The following NOLC1 variants were observed in gnomAD, a reference collection of about 807,000 sequenced individuals.
NOLC1 encodes the protein nucleolar and coiled-body phosphoprotein 1, also known as 140 kDa nucleolar phosphoprotein.
A neutral mutation model predicts 73.4 loss-of-function variants in NOLC1; 37 were observed. The observed-to-expected ratio is 0.50, with a 90% confidence interval of 0.39 to 0.66. The LOEUF (loss-of-function observed/expected upper bound fraction) is 0.66, where lower values mean the gene tolerates loss of function less well. NOLC1 is among the 30% of genes least tolerant of loss of function. The probability of loss-of-function intolerance (pLI) is 0.00; values close to 1 mark genes in which losing one functional copy is unlikely to be tolerated. For synonymous variants in NOLC1, 327 were observed against 302.6 expected (o/e 1.08, Z -0.84); for missense variants, 921 against 838.9 (o/e 1.10, Z -1.21).
chr10:102,160,979 G>T lies in NOLC1; in HGVS notation c.1627G>T (p.Ala543Ser). The T allele has an allele frequency of 6.2e-7, 1 of 1,614,168 alleles. No homozygotes were observed. Among genetic ancestry groups the T allele is most frequent in the Non-Finnish European group, 8.5e-7 (1 of 1,180,040 alleles). The change falls in exon 10 of 13, where the codon GCC (alanine) becomes TCC (serine). Residue 543 changes from alanine (A) to serine (S), a missense_variant. Coordinates refer to ENST00000605788, the MANE Select transcript of NOLC1 (RefSeq NM_004741.5). The stretch of plus-strand genomic sequence containing the variant: ...GGGCAAGGGCTCTCCAAGACCACAA[G>T]CCCCCAAGGCCAATGGCACCTCTGC... Reference protein sequence around the residue: ...LKGKGSPRPQAPKANGTSALT... With the variant: ...LKGKGSPRPQSPKANGTSALT...
intron 8 of NOLC1, 104 bp from the exon 9 acceptor site, chr10:102,160,129 G>C: frequency 6.3e-7 from 1 of 1,589,548 alleles, no homozygotes; most frequent in Admixed American, 1.8e-5. Context: ...TTTGCTTAAA[G>C]CAAGACAGAG....
At chr10:102,157,955 C>T in intron 4 of NOLC1, 94 bp from the exon 5 acceptor site, 1 of 1,129,806 alleles carries the variant, frequency 8.9e-7, no homozygotes, top group Non-Finnish European at 1.3e-6. Flanking sequence ...GCTCTTACTG[C>T]TCCATTAGGC....
chr10:102,161,073 C>T lies in NOLC1; in HGVS notation c.1721C>T (p.Ala574Val), dbSNP rs1204038883. The T allele has an allele frequency of 6.2e-7, 1 of 1,608,178 alleles. No homozygotes were observed. ...EEEEEEKKKA[A>V]VVVSKSGSLK... The stretch of plus-strand genomic sequence containing the variant: ...GAGGAAGAAGAAAAGAAAAAGGCGG[C>T]AGTGGTAGTTTCCAAATCAGGTCTG... Residue 574 changes from alanine to valine, a missense_variant, in exon 10 of 13, where the codon GCA (alanine) becomes GTA (valine). Transcript: ENST00000605788.
At position 102,159,432 on chromosome 10, in the gene NOLC1, G is replaced by A. The variant is rs752492340; in HGVS notation, c.724-1G>A. 6.2e-7 allele frequency: 1 copy of A among 1,614,156 alleles called. No individual in the cohort carries two copies. ...GGTAATCAATTTTCTTTCTAATGCA[G>A]ACTGTACCTAAAAAGCAAGTTGTGG... is the stretch of plus-strand genomic sequence containing the variant. On this transcript the variant is annotated splice_acceptor_variant, in intron 6 of 12. Coordinates refer to ENST00000605788, the MANE Select transcript of NOLC1 (RefSeq NM_004741.5). LOFTEE classifies it high-confidence loss of function.
intron 1 of NOLC1, among the ~76,000 whole-genome samples, chr10:102,154,141 A>C (rs1253266384): frequency 2.1e-5 from 3 of 144,042 alleles, no homozygotes; most frequent in Non-Finnish European, 4.5e-5. Context: ...GCACGATCTC[A>C]GCTCACTGCA....
chr10:102,158,685 T>C (rs1419774966), intron 5 of NOLC1, among the ~76,000 whole-genome samples: 1 of 152,238 alleles, frequency 6.6e-6, no homozygotes, highest in Non-Finnish European at 1.5e-5. Context: ...AGATTATTTA[T>C]GTCATCTTTT....
At chr10:102,158,475 G>A (rs778915929) in intron 5 of NOLC1, among the ~76,000 whole-genome samples, 1 of 152,016 alleles carries the variant, frequency 6.6e-6, no homozygotes, top group African/African-American at 2.4e-5. Flanking sequence ...ACATTTCATA[G>A]ACATTTTATG....
Position 102,159,308 on chromosome 10 carries a change from G to A in NOLC1, c.723G>A (p.Lys241=). 5 of 1,614,166 alleles carry A rather than the reference G, an allele frequency of 3.1e-6. No homozygotes were observed. The highest frequency in any genetic ancestry group is 3.4e-6 in the Non-Finnish European group (4 of 1,180,036). ...EEEKAAATPK[K]TVPKKQVVAK... The stretch of plus-strand genomic sequence containing the variant: ...AGAAGGCAGCAGCCACCCCCAAGAA[G>A]GTCTGGACCATAACTTCTGTCAGGG... Residue 241 remains lysine, a splice_region_variant and synonymous_variant, in exon 6 of 13, where the codon AAG becomes AAA. Coordinates refer to ENST00000605788, the MANE Select transcript of NOLC1 (RefSeq NM_004741.5).
intron 11 of NOLC1, 82 bp from the exon 12 acceptor site, chr10:102,161,751 G>T: frequency 6.6e-7 from 1 of 1,521,054 alleles, no homozygotes; most frequent in Non-Finnish European, 9.1e-7. Flanking sequence ...GGCGTGACCT[G>T]GTACATGTGC....
At chr10:102,156,380 G>A (rs1326395124) in intron 1 of NOLC1, among the ~76,000 whole-genome samples, 1 of 151,952 alleles carries the variant, frequency 6.6e-6, no homozygotes, top group African/African-American at 2.4e-5. Flanking sequence ...CCAAAGTGCT[G>A]AGATAACATG....
chr10:102,155,062 G>T (rs1164787248), intron 1 of NOLC1, among the ~76,000 whole-genome samples: 13 of 133,440 alleles, frequency 9.7e-5, no homozygotes, highest in African/African-American at 3.6e-4. Flanking sequence ...CGCTCTTGTT[G>T]CCCAGGCTGG....
rs760437566 is a variant in NOLC1, at chr10:102,160,807, A to T, written c.1455A>T (p.Thr485=). 1.2e-6 allele frequency: 2 copies of T among 1,614,192 alleles called. No homozygotes were observed. Among genetic ancestry groups the T allele is most frequent in the Admixed American group, 3.3e-5 (2 of 60,022 alleles). ...GCAGTGAGGAGGAGGAAGAGAAGAC[A>T]TCTAAGTCTGCAGTTAAGAAGAAGC... The part of the protein sequence containing the change: ...SSSSEEEEEK[T]SKSAVKKKPQ... The change falls in exon 10 of 13, where the codon ACA becomes ACT. Residue 485 remains threonine (T), a synonymous_variant. Transcript: ENST00000605788.
At chr10:102,152,589 G>C (rs1171468797) in intron 1 of NOLC1, 59 bp downstream of exon 1, 1 of 1,606,100 alleles carries the variant, frequency 6.2e-7, no homozygotes, top group African/African-American at 1.3e-5. Flanking sequence ...TTCAGGCCCT[G>C]ACGTGCTTAG....
chr10:102,160,628 A>G lies in NOLC1; in HGVS notation c.1276A>G (p.Ser426Gly), dbSNP rs778742389. ...GACGAGAAAGGCTGACAGCAGCTCC[A>G]GTGAGGAAGAGAGCAGCTCCAGTGA... ...LLTRKADSSS[S>G]EEESSSSEEE... Residue 426 changes from serine to glycine, a missense_variant, in exon 10 of 13, where the codon AGT becomes GGT. Ser to Gly is a moderately conservative substitution (Grantham distance 56). Transcript: ENST00000605788. 4 of 1,614,168 alleles carry G rather than the reference A, an allele frequency of 2.5e-6. No homozygotes were observed. Among genetic ancestry groups the G allele is most frequent in the South Asian group, 1.1e-5 (1 of 91,076 alleles).
chr10:102,160,921 T>C lies in NOLC1; in HGVS notation c.1569T>C (p.Asp523=). ...KAESSNSSSS[D]DSSEEEEEKL... ...AGAGCAGCAACAGTTCTTCTTCTGA[T>C]GACTCCAGTGAGGAAGAGGAAGAGA... Residue 523 remains aspartate (D), a synonymous_variant, in exon 10 of 13, where the codon GAT becomes GAC. Coordinates refer to ENST00000605788, the MANE Select transcript of NOLC1 (RefSeq NM_004741.5). The C allele has an allele frequency of 1.2e-6, 2 of 1,614,146 alleles. No individual in the cohort carries two copies. Among genetic ancestry groups the C allele is most frequent in the South Asian group, 1.1e-5 (1 of 91,088 alleles).
chr10:102,154,618 C>A (rs546006813), intron 1 of NOLC1, among the ~76,000 whole-genome samples: 3 of 151,962 alleles, frequency 2.0e-5, no homozygotes, highest in Non-Finnish European at 4.4e-5. Flanking sequence ...CAGGTTGAAG[C>A]GATTCTTGTG....
Position 102,159,488 on chromosome 10 carries a change from C to T in NOLC1, c.779C>T (p.Pro260Leu), listed in dbSNP as rs765969671. ...GCCCCAGTGAAAGCAGCTACCACCCCTACCCGGAAGAGTTCTAGCAGTGAG... is the reference window on the plus strand; with the variant it reads ...GCCCCAGTGAAAGCAGCTACCACCCTTACCCGGAAGAGTTCTAGCAGTGAG... ...AKAPVKAATT[P>L]TRKSSSSEDS... The change falls in exon 7 of 13, where the codon CCT becomes CTT. Residue 260 changes from proline (P) to leucine (L), a missense_variant. Coordinates refer to ENST00000605788, the MANE Select transcript of NOLC1 (RefSeq NM_004741.5). 2.7e-5 allele frequency: 43 copies of T among 1,614,066 alleles called. No homozygotes were observed. The Middle Eastern group carries it at 9.9e-4, about 37-fold the overall frequency.
chr10:102,162,294 AG>A lies in NOLC1; in HGVS notation c.*28del, dbSNP rs2133764522. 1 of 1,610,696 alleles carries A rather than the reference AG, an allele frequency of 6.2e-7. No homozygotes were observed. Among genetic ancestry groups the A allele is most frequent in the East Asian group, 2.2e-5 (1 of 44,814 alleles). ...ACCTGAGGCCATCTTCGGTGAAGCA[AG>A]GGTGATGATCGGAGACTACTTACTT... On this transcript the variant is annotated 3_prime_UTR_variant, in exon 13 of 13. Transcript: ENST00000605788.
chr10:102,160,412 C>A (rs750945263), intron 9 of NOLC1, 40 bp from the exon 10 acceptor site: 6 of 1,612,112 alleles, frequency 3.7e-6, no homozygotes, highest in Non-Finnish European at 5.1e-6. Flanking sequence ...CCCCTGAATC[C>A]AATTTGGGGA....
Sources: gnomAD v4.1 joint callset for allele counts (sites outside exome capture counted in the v4.1 genomes callset) on GRCh38, gnomAD v4.1.1 for gene constraint, MANE v1.5 for transcripts, NCBI Gene and HGNC (gene_info 2026-07-23, HGNC 2026-07-21) for gene names.